ABCB1: variants seen among roughly 807,000 people sequenced by gnomAD.
The protein encoded by ABCB1 is ATP-dependent translocase ABCB1.
ABCB1 carries 69 observed loss-of-function variants against 142.0 expected under a neutral mutation model. That is an observed-to-expected ratio of 0.49 (90% confidence interval 0.40 to 0.59). ABCB1 has a LOEUF of 0.59. Ranked by LOEUF, ABCB1 falls within the 20% of genes least tolerant of loss-of-function variation. ABCB1 has a pLI of 0.00. For missense variants in ABCB1, 1,326 were observed against 1,554.7 expected, an observed-to-expected ratio of 0.85 and a Z score of 2.47; for synonymous variants, 532 against 539.2, an observed-to-expected ratio of 0.99 and a Z score of 0.18.
intron 1 of ABCB1, among the ~76,000 whole-genome samples, chr7:87,654,345 T>C (rs975389284): frequency 1.3e-5 from 2 of 151,898 alleles, no homozygotes; most frequent in Non-Finnish European, 2.9e-5. Context: ...TGCAAAGCTA[T>C]ATTAGTTAAA....
At chr7:87,595,446 C>T (rs753863128) in intron 3 of ABCB1, among the ~76,000 whole-genome samples, 6 of 152,134 alleles carry the variant, frequency 3.9e-5, no homozygotes, top group Non-Finnish European at 8.8e-5. Context: ...AATTTCAGAG[C>T]CATTAAAGAC....
intron 4 of ABCB1, among the ~76,000 whole-genome samples, chr7:87,573,769 A>AC (rs1203954414): frequency 1.3e-5 from 2 of 152,110 alleles, no homozygotes; most frequent in African/African-American, 4.8e-5. Flanking sequence ...TATTTCCTTT[A>AC]CCCCCACACC....
At chr7:87,707,826 T>G (rs1335007386) in intron 1 of ABCB1, among the ~76,000 whole-genome samples, 1 of 152,178 alleles carries the variant, frequency 6.6e-6, no homozygotes, top group Non-Finnish European at 1.5e-5. Flanking sequence ...TTGTGTAAAG[T>G]ATGTTCTCTA....
intron 14 of ABCB1, among the ~76,000 whole-genome samples, 178 bp from the exon 15 acceptor site, chr7:87,546,202 T>A (rs1301273794): frequency 6.6e-6 from 1 of 152,248 alleles, no homozygotes; most frequent in East Asian, 1.9e-4. Flanking sequence ...AAATGATGTT[T>A]CCTTGTAATA....
chr7:87,545,093 A>G, intron 15 of ABCB1, 94 bp from the exon 16 acceptor site: 1 of 1,153,262 alleles, frequency 8.7e-7, no homozygotes, highest in Non-Finnish European at 1.3e-6. Context: ...GAAAACAGCA[A>G]TTTGTTTAGT....
intron 17 of ABCB1, among the ~76,000 whole-genome samples, chr7:87,542,189 C>T (rs1816569464): frequency 6.6e-6 from 1 of 152,224 alleles, no homozygotes; most frequent in African/African-American, 2.4e-5. Flanking sequence ...AAAAAACAAA[C>T]AAATAACAAC....
intron 1 of ABCB1, among the ~76,000 whole-genome samples, chr7:87,656,614 G>T (rs77233919): frequency 6.6e-6 from 1 of 151,950 alleles, no homozygotes; most frequent in Non-Finnish European, 1.5e-5. Flanking sequence ...AGAGAAAGAC[G>T]TTAGAGGATA....
chr7:87,682,445 G>T (rs969062070), intron 1 of ABCB1, among the ~76,000 whole-genome samples: 1 of 152,160 alleles, frequency 6.6e-6, no homozygotes, highest in African/African-American at 2.4e-5. Flanking sequence ...AGAGCCTTAA[G>T]AAATATACTT....
At position 87,526,593 on chromosome 7, in the gene ABCB1, C is replaced by T. The variant is rs529907929; in HGVS notation, c.2685+4701G>A. Among the ~76,000 whole-genome samples, 6 of 152,108 alleles carry T rather than the reference C, an allele frequency of 3.9e-5. 1 individual carries two copies. Among genetic ancestry groups the T allele is most frequent in the African/African-American group, 1.4e-4 (6 of 41,512 alleles). On this transcript the variant is annotated intron_variant, in intron 21 of 27. Transcript: ENST00000622132. ...CTGAATTAGAGACATGTTTAGGAGGCAAGCAGACCACTTCAATACCTTTGA... is the reference window on the plus strand; with the variant it reads ...CTGAATTAGAGACATGTTTAGGAGGTAAGCAGACCACTTCAATACCTTTGA...
chr7:87,504,808 G>GAAA (rs113719447), intron 27 of ABCB1, among the ~76,000 whole-genome samples: 1 of 86,850 alleles, frequency 1.2e-5, no homozygotes, highest in Non-Finnish European at 2.8e-5. Flanking sequence ...CCATCTCAAA[G>GAAA]AAAAAAAAAA....
intron 16 of ABCB1, 42 bp downstream of exon 16, chr7:87,544,781 C>A (rs1310310882): frequency 1.2e-6 from 2 of 1,607,892 alleles, no homozygotes; most frequent in South Asian, 2.2e-5. Flanking sequence ...TAGGGAACCA[C>A]AGTTAGTGAG....
intron 26 of ABCB1, 42 bp downstream of exon 26, chr7:87,509,233 C>G: frequency 1.3e-6 from 2 of 1,597,512 alleles, no homozygotes; most frequent in Middle Eastern, 3.3e-4. Context: ...GCCAGAGAGG[C>G]TGCCACATGC....
At chr7:87,504,491 T>G in intron 27 of ABCB1, 42 bp from the exon 28 acceptor site, 1 of 1,609,376 alleles carries the variant, frequency 6.2e-7, no homozygotes, top group Non-Finnish European at 8.5e-7. Context: ...AATAGTTCTT[T>G]TCCCTAATTC....
intron 7 of ABCB1, chr7:87,565,535 T>C: frequency 2.4e-6 from 1 of 423,426 alleles, no homozygotes; most frequent in Non-Finnish European, 4.7e-6. Context: ...ATCTGTTTTC[T>C]TAAATTATTT....
chr7:87,601,337 C>T (rs573812386), upstream of ABCB1, among the ~76,000 whole-genome samples: 1 of 152,246 alleles, frequency 6.6e-6, no homozygotes, highest in East Asian at 1.9e-4. Context: ...CTTTCTTCAG[C>T]ATGCTTGACA....
At chr7:87,632,578 G>A (rs1821333351) in intron 1 of ABCB1, among the ~76,000 whole-genome samples, 1 of 152,102 alleles carries the variant, frequency 6.6e-6, no homozygotes, top group South Asian at 2.1e-4. Context: ...TTGGCTCTGA[G>A]AACCAACTAG....
chr7:87,702,003 C>A (rs919988345), intron 1 of ABCB1, among the ~76,000 whole-genome samples: 2 of 151,492 alleles, frequency 1.3e-5, no homozygotes, highest in South Asian at 4.2e-4. Flanking sequence ...ATTAGCCAGG[C>A]GTGGTGGTGG....
intron 1 of ABCB1, among the ~76,000 whole-genome samples, chr7:87,634,059 A>G (rs1426999964): frequency 3.3e-5 from 5 of 152,196 alleles, no homozygotes; most frequent in Admixed American, 2.6e-4. Flanking sequence ...ACCAAACCCA[A>G]AGGGCATTCT....
intron 4 of ABCB1, among the ~76,000 whole-genome samples, chr7:87,571,647 G>A (rs1180771538): frequency 6.6e-6 from 1 of 152,168 alleles, no homozygotes; most frequent in Non-Finnish European, 1.5e-5. Flanking sequence ...GTCATGGTGG[G>A]AAATAAGAAG....
Sources: gnomAD v4.1 joint callset for allele counts (sites outside exome capture counted in the v4.1 genomes callset) on GRCh38, gnomAD v4.1.1 for gene constraint, MANE v1.5 for transcripts, NCBI Gene and HGNC (gene_info 2026-07-23, HGNC 2026-07-21) for gene names.